Variants in FBRSL1 observed in about 807,000 individuals in gnomAD.
FBRSL1 encodes fibrosin like 1.
A neutral mutation model predicts 89.6 loss-of-function variants in FBRSL1; 51 were observed. The observed-to-expected ratio is 0.57, with a 90% confidence interval of 0.45 to 0.72. FBRSL1 has a LOEUF of 0.72. Among genes scored for constraint, FBRSL1 ranks in the 30% least tolerant of loss-of-function variants. The pLI is 0.00. For missense variants in FBRSL1, 1,618 were observed against 1,451.8 expected, an observed-to-expected ratio of 1.11 and a Z score of -1.86; for synonymous variants, 779 against 681.1, an observed-to-expected ratio of 1.14 and a Z score of -2.24.
rs191340828 is a variant in FBRSL1 at position 132,549,195 on chromosome 12, G to T, written c.645+1163G>T. ...CGGCCTGGGGTCTGGGGCAGGCGCC[G>T]TGTGGGCCGCAGTGCCGGGCTCAGC... On this transcript the variant is annotated intron_variant, in intron 5 of 18. Coordinates refer to ENST00000680143, the MANE Select transcript of FBRSL1 (RefSeq NM_001367871.1). Among the ~76,000 whole-genome samples the T allele has an allele frequency of 9.2e-4, 140 of 152,328 alleles. 1 individual carries two copies. Among genetic ancestry groups the T allele is most frequent in the African/African-American group, 3.3e-3 (139 of 41,578 alleles).
intron 4 of FBRSL1, among the ~76,000 whole-genome samples, chr12:132,535,170 G>A (rs2036603621): frequency 6.6e-6 from 1 of 152,252 alleles, no homozygotes; most frequent in Admixed American, 6.5e-5. Flanking sequence ...AAGACTTTTT[G>A]TGTTGATAAA....
At position 132,571,176 on chromosome 12, in the gene FBRSL1, G is replaced by T. The variant is rs1009201791; in HGVS notation, c.1322G>T (p.Gly441Val). Reference protein sequence around the residue: ...SQAPLLPAPLGPHVASGHPGL... With the variant: ...SQAPLLPAPLVPHVASGHPGL... ...GCTCCTCTCTTACCTGCACCCCTGG[G>T]CCCGCACGTGGCGAGCGGCCACCCC... Residue 441 changes from glycine (G) to valine (V), a missense_variant, in exon 9 of 19, where the codon GGC becomes GTC. Gly to Val is a moderately radical substitution (Grantham distance 109). Coordinates refer to ENST00000680143, the MANE Select transcript of FBRSL1 (RefSeq NM_001367871.1). 3.7e-5 allele frequency: 53 copies of T among 1,429,652 alleles called. No individual in the cohort carries two copies. Among genetic ancestry groups the T allele is most frequent in the Non-Finnish European group, 1.8e-6 (2 of 1,091,642 alleles). 88.6% of individuals were successfully genotyped at this position (1,429,652 alleles called of 1,614,324 possible).
intron 1 of FBRSL1, among the ~76,000 whole-genome samples, chr12:132,502,752 C>T (rs1479442821): frequency 2.8e-5 from 4 of 141,766 alleles, no homozygotes; most frequent in Admixed American, 7.0e-5. Context: ...TGCCTGTCCC[C>T]GCCCCCTCCT....
chr12:132,519,692 C>T (rs577315226), intron 2 of FBRSL1, among the ~76,000 whole-genome samples: 3 of 152,262 alleles, frequency 2.0e-5, no homozygotes, highest in Admixed American at 6.5e-5. Context: ...AAATGGATCA[C>T]GAAGTCAGGA....
At chr12:132,528,303 C>T (rs2035969183) in intron 4 of FBRSL1, among the ~76,000 whole-genome samples, 1 of 152,246 alleles carries the variant, frequency 6.6e-6, no homozygotes, top group African/African-American at 2.4e-5. Flanking sequence ...TCAGCCTGCA[C>T]AGACCCCAGC....
intron 5 of FBRSL1, chr12:132,566,406 C>CAAAAA (rs57339074): frequency 4.7e-5 from 6 of 128,884 alleles, no homozygotes; most frequent in Non-Finnish European, 1.0e-4. Context: ...GCTGTTTAAT[C>CAAAAA]AAAAAAAAAA....
intron 4 of FBRSL1, among the ~76,000 whole-genome samples, chr12:132,534,308 T>C (rs765245408): frequency 1.3e-4 from 20 of 152,232 alleles, no homozygotes; most frequent in Admixed American, 4.6e-4. Context: ...TGTCTGCGTG[T>C]GAGAACACCT....
chr12:132,508,346 A>G lies in FBRSL1; in HGVS notation c.485A>G (p.Lys162Arg). The G allele has an allele frequency of 6.6e-7, 1 of 1,510,834 alleles. No homozygotes were observed. Among genetic ancestry groups the G allele is most frequent in the Non-Finnish European group, 8.9e-7 (1 of 1,128,762 alleles). The allele number at this position is 1,510,834 out of a possible 1,614,324, so 93.6% of individuals were successfully genotyped here. A position where few individuals can be genotyped will look rare whatever the true frequency, so the allele number is the denominator to read the frequency against. The change falls in exon 2 of 19, where the codon AAG becomes AGG. Residue 162 changes from lysine to arginine, a missense_variant. Physicochemically the swap from Lys to Arg is conservative, Grantham distance 26. Coordinates refer to ENST00000680143, the MANE Select transcript of FBRSL1 (RefSeq NM_001367871.1). ...AGAAAGGTCCCACTGCAGCCCTCCA[A>G]GCAGGTGAGCAGGTCCCTCCCCGAC... ...GARKVPLQPSKQMKVTVSKGG... is the reference protein window; with the variant it reads ...GARKVPLQPSRQMKVTVSKGG...
rs1055733449 is a variant in FBRSL1 at position 132,570,603 on chromosome 12, C to A, written c.1213+63C>A. 4 of 1,339,978 alleles carry A rather than the reference C, an allele frequency of 3.0e-6. No individual in the cohort carries two copies. The Admixed American group carries it at 1.1e-4, about 36-fold the overall frequency. The allele number at this position is 1,339,978 out of a possible 1,614,324, so 83.0% of individuals were successfully genotyped here. ...TTGGGGGGTGCGGGGACACGGCCACCGGGGAGGGGCGCACAGCCTGGCCCT... is the reference window on the plus strand; with the variant it reads ...TTGGGGGGTGCGGGGACACGGCCACAGGGGAGGGGCGCACAGCCTGGCCCT... On this transcript the variant is annotated intron_variant, in intron 8 of 18. Coordinates refer to ENST00000680143, the MANE Select transcript of FBRSL1 (RefSeq NM_001367871.1).
chr12:132,560,007 A>G (rs550342527), intron 5 of FBRSL1: 28 of 148,500 alleles, frequency 1.9e-4, no homozygotes, highest in African/African-American at 6.8e-4. Flanking sequence ...GCCGCGCCCG[A>G]CGTCCGCCCG....
intron 4 of FBRSL1, among the ~76,000 whole-genome samples, chr12:132,544,268 A>T (rs763818361): frequency 1.2e-4 from 19 of 152,090 alleles, no homozygotes; most frequent in Non-Finnish European, 2.4e-4. Context: ...GGTCCGACAG[A>T]CTCAGAGGGG....
intron 2 of FBRSL1, among the ~76,000 whole-genome samples, chr12:132,520,383 G>T (rs1472597472): frequency 6.6e-6 from 1 of 152,134 alleles, no homozygotes; most frequent in Non-Finnish European, 1.5e-5. Flanking sequence ...TTTTCCCGAG[G>T]CAGCCCCTGC....
chr12:132,561,140 T>G (rs115321626), intron 5 of FBRSL1, among the ~76,000 whole-genome samples: 1 of 152,162 alleles, frequency 6.6e-6, no homozygotes, highest in African/African-American at 2.4e-5. Context: ...GTTCTCACTG[T>G]GAGGTGGAGG....
chr12:132,582,576 A>G (rs1452301875), intron 18 of FBRSL1, among the ~76,000 whole-genome samples: 3 of 151,448 alleles, frequency 2.0e-5, no homozygotes, highest in Non-Finnish European at 4.4e-5. Flanking sequence ...GCTAGGAAGG[A>G]TGAGGAGGGT....
In FBRSL1 at chr12:132,499,629, G is replaced by A. The variant is rs1445920681; in HGVS notation, c.292-8524G>A. On this transcript the variant is annotated intron_variant, in intron 1 of 18. Coordinates refer to ENST00000680143, the MANE Select transcript of FBRSL1 (RefSeq NM_001367871.1). This position sits in a 1 kb window ranked among gnomAD's most constrained non-coding sequence, Gnocchi z 4.3. ...GTGGCGGTTCCCGAGAGCCCGTCAG[G>A]AAGGGCACATGTAGCAGGTGGTACA... Among the ~76,000 whole-genome samples the A allele has an allele frequency of 6.6e-6, 1 of 152,018 alleles. No individual in the cohort carries two copies. Among genetic ancestry groups the A allele is most frequent in the Non-Finnish European group, 1.5e-5 (1 of 67,988 alleles).
intron 1 of FBRSL1, among the ~76,000 whole-genome samples, chr12:132,504,348 A>G (rs1012240193): frequency 2.2e-4 from 34 of 152,320 alleles, no homozygotes; most frequent in African/African-American, 7.2e-4. Context: ...TGGTAATGAC[A>G]TTAAGAGAGC....
At chr12:132,522,679 C>T (rs1449501437) in intron 2 of FBRSL1, among the ~76,000 whole-genome samples, 3 of 152,220 alleles carry the variant, frequency 2.0e-5, no homozygotes, top group Non-Finnish European at 4.4e-5. Context: ...GCACGCCCCA[C>T]CTGCTGACAT....
chr12:132,583,875 C>CG lies in FBRSL1; in HGVS notation c.*99dup. On this transcript the variant is annotated 3_prime_UTR_variant, in exon 19 of 19. Coordinates refer to ENST00000680143, the MANE Select transcript of FBRSL1 (RefSeq NM_001367871.1). Reference sequence around the variant, plus strand: ...AGCACAGCTCCCGCCGATCCTGGGGCGGCGCCGCCTCTCCACCCGCAGCCT... The same window carrying CG: ...AGCACAGCTCCCGCCGATCCTGGGGCGGGCGCCGCCTCTCCACCCGCAGCCT... The CG allele has an allele frequency of 1.5e-6, 1 of 671,162 alleles. No homozygotes were observed. The highest frequency in any genetic ancestry group is 2.0e-6 in the Non-Finnish European group (1 of 512,452). 41.6% of individuals were successfully genotyped at this position (671,162 alleles called of 1,614,324 possible).
intron 2 of FBRSL1, among the ~76,000 whole-genome samples, chr12:132,516,695 A>T (rs917405437): frequency 2.0e-5 from 3 of 152,178 alleles, no homozygotes; most frequent in Admixed American, 6.5e-5. Context: ...CATTTGCCGG[A>T]TGAGGATGCT....
Sources: allele counts gnomAD v4.1 joint callset (sites outside exome capture counted in the v4.1 genomes callset), GRCh38; gene constraint gnomAD v4.1.1; non-coding constraint Gnocchi (gnomAD v3.1); transcripts MANE v1.5; gene names NCBI Gene and HGNC (gene_info 2026-07-23, HGNC 2026-07-21).